MAGI1: variants seen among roughly 807,000 people sequenced by gnomAD.
MAGI1 encodes membrane-associated guanylate kinase, WW and PDZ domain-containing protein 1.
MAGI1 carries 58 observed loss-of-function variants against 139.9 expected under a neutral mutation model. That is an observed-to-expected ratio of 0.41 (90% CI 0.34 to 0.52). The LOEUF (loss-of-function observed/expected upper bound fraction) is 0.52, where lower values mean the gene tolerates loss of function less well. Ranked by LOEUF, MAGI1 falls within the 20% of genes least tolerant of loss-of-function variation. The pLI, the probability that MAGI1 is intolerant of heterozygous loss-of-function variation, is 0.12. For synonymous variants in MAGI1, 812 were observed against 737.9 expected (o/e 1.10, Z -1.63); for missense variants, 1,874 against 1,901.6 (o/e 0.99, Z 0.27).
At chr3:65,888,920 A>C (rs907015151) in intron 1 of MAGI1, among the ~76,000 whole-genome samples, 3 of 152,204 alleles carry the variant, frequency 2.0e-5, no homozygotes, top group African/African-American at 7.2e-5. Context: ...ATTTTCTATA[A>C]TATACAGATG....
chr3:65,515,595 C>G (rs943247195), intron 2 of MAGI1, among the ~76,000 whole-genome samples: 3 of 152,282 alleles, frequency 2.0e-5, no homozygotes, highest in South Asian at 4.1e-4. Flanking sequence ...ATGCTGTAGA[C>G]AATGTAGAAT....
At chr3:65,623,609 G>A (rs535481396) in intron 1 of MAGI1, among the ~76,000 whole-genome samples, 5 of 152,112 alleles carry the variant, frequency 3.3e-5, no homozygotes, top group South Asian at 2.1e-4. Context: ...CAGGAGTCAC[G>A]TGAGCTACAA....
At chr3:65,492,176 T>C (rs918505720) in intron 3 of MAGI1, among the ~76,000 whole-genome samples, 5 of 152,282 alleles carry the variant, frequency 3.3e-5, no homozygotes, top group African/African-American at 9.6e-5. Flanking sequence ...ACATAATAAC[T>C]TGACCAAGTT....
chr3:65,379,671 A>G, intron 16 of MAGI1, 117 bp from the exon 17 acceptor site: 1 of 1,486,042 alleles, frequency 6.7e-7, no homozygotes, highest in Non-Finnish European at 9.0e-7. Context: ...AGGGGAGGAG[A>G]CAGCACCTGG....
intron 5 of MAGI1, among the ~76,000 whole-genome samples, chr3:65,464,607 T>C (rs1319506442): frequency 6.6e-6 from 1 of 152,194 alleles, no homozygotes; most frequent in Non-Finnish European, 1.5e-5. Flanking sequence ...TCGATTAACA[T>C]TTACAAGATA....
At chr3:65,565,453 T>G (rs2080569640) in intron 2 of MAGI1, among the ~76,000 whole-genome samples, 1 of 152,192 alleles carries the variant, frequency 6.6e-6, no homozygotes, top group Non-Finnish European at 1.5e-5. Context: ...AGTGGTCATT[T>G]GTGTTCACGG....
chr3:65,609,264 C>A, intron 2 of MAGI1, among the ~76,000 whole-genome samples: 1 of 150,326 alleles, frequency 6.7e-6, no homozygotes, highest in South Asian at 2.1e-4. Flanking sequence ...TCATCTCTAT[C>A]TCTCTCTCTC....
chr3:65,867,159 T>C (rs1244057210), intron 1 of MAGI1, among the ~76,000 whole-genome samples: 1 of 152,174 alleles, frequency 6.6e-6, no homozygotes, highest in Non-Finnish European at 1.5e-5. Flanking sequence ...CTATCCAGAA[T>C]ACCTAGAAAG....
At chr3:65,470,959 G>A (rs1321530380) in intron 4 of MAGI1, among the ~76,000 whole-genome samples, 1 of 152,136 alleles carries the variant, frequency 6.6e-6, no homozygotes, top group Admixed American at 6.6e-5. Flanking sequence ...GATTTTATAA[G>A]TTATTTTTAT....
intron 1 of MAGI1, among the ~76,000 whole-genome samples, chr3:65,801,872 C>G (rs1477121200): frequency 6.6e-6 from 1 of 152,152 alleles, no homozygotes; most frequent in African/African-American, 2.4e-5. Context: ...AACCCAGCCA[C>G]ACAGCAGGAT....
At chr3:65,712,160 G>C (rs1351453677) in intron 1 of MAGI1, among the ~76,000 whole-genome samples, 2 of 151,934 alleles carry the variant, frequency 1.3e-5, no homozygotes, top group African/African-American at 4.8e-5. Context: ...CTTTAATTTG[G>C]GCTCTTAGAC....
At chr3:65,630,978 T>C (rs187231643) in intron 1 of MAGI1, among the ~76,000 whole-genome samples, 87 of 152,328 alleles carry the variant, frequency 5.7e-4, no homozygotes, top group African/African-American at 2.0e-3. Context: ...ATTTGAGCCA[T>C]GGAGGTAGAG....
chr3:65,985,457 A>C (rs2065833240), intron 1 of MAGI1, among the ~76,000 whole-genome samples: 1 of 152,192 alleles, frequency 6.6e-6, no homozygotes, highest in South Asian at 2.1e-4. Flanking sequence ...TGTACACACC[A>C]AGCAATTGAG....
chr3:65,469,174 G>A (rs1427467749), intron 5 of MAGI1, among the ~76,000 whole-genome samples: 1 of 152,060 alleles, frequency 6.6e-6, no homozygotes, highest in Non-Finnish European at 1.5e-5. Context: ...AATAGATGTA[G>A]GATATGTGTG....
At chr3:65,492,897 T>C (rs376292453) in intron 3 of MAGI1, among the ~76,000 whole-genome samples, 82 of 152,028 alleles carry the variant, frequency 5.4e-4, no homozygotes, top group African/African-American at 1.8e-3. Context: ...GCTAACACGG[T>C]GAAACCCTGT....
At position 65,429,676 on chromosome 3, in the gene MAGI1, T is replaced by A; in HGVS notation, c.2011A>T (p.Ile671Phe). 6.2e-7 allele frequency: 1 copy of A among 1,613,898 alleles called. No homozygotes were observed. Among genetic ancestry groups the A allele is most frequent in the Non-Finnish European group, 8.5e-7 (1 of 1,179,940 alleles). Residue 671 changes from isoleucine (I) to phenylalanine (F), a missense_variant, in exon 12 of 23, where the codon ATT (isoleucine) becomes TTT (phenylalanine). By Grantham distance (21) the Ile-to-Phe change is conservative (BLOSUM62 0). Coordinates refer to ENST00000402939, the MANE Select transcript of MAGI1 (RefSeq NM_001033057.2). The part of the protein sequence containing the change: ...PGGGGQRVKQ[I>F]VDSPRCRGLK... The stretch of plus-strand genomic sequence containing the variant: ...CCTCGGCACCTTGGGCTGTCAACAA[T>A]CTGTTTCACTCTTTGGCCACCCCCA...
rs181784330 is a variant in MAGI1, at chr3:65,768,935, T to G, written c.314-146847A>C. 5.3e-5 allele frequency among the ~76,000 whole-genome samples: 8 copies of G among 152,348 alleles called. No individual in the cohort carries two copies. In the East Asian group the frequency reaches 1.5e-3, roughly 29 times the overall value. On this transcript the variant is annotated intron_variant, in intron 1 of 22. Coordinates refer to ENST00000402939, the MANE Select transcript of MAGI1 (RefSeq NM_001033057.2). ...AGCAAATTTTCCAGTGTCATTTTAC[T>G]GTAGCCCACCAGGATTTTGACAAAG...
At chr3:65,889,980 A>T (rs1428863689) in intron 1 of MAGI1, among the ~76,000 whole-genome samples, 1 of 152,244 alleles carries the variant, frequency 6.6e-6, no homozygotes, top group Non-Finnish European at 1.5e-5. Context: ...TGTGCCTTTC[A>T]ACAGATTGTT....
chr3:65,933,081 T>C (rs973985202), intron 1 of MAGI1, among the ~76,000 whole-genome samples: 6 of 152,246 alleles, frequency 3.9e-5, no homozygotes, highest in Non-Finnish European at 1.5e-5. Context: ...TCAATAAGTA[T>C]TTTGTTTAAG....
Sources: allele counts gnomAD v4.1 joint callset (sites outside exome capture counted in the v4.1 genomes callset), GRCh38; gene constraint gnomAD v4.1.1; transcripts MANE v1.5; gene names NCBI Gene and HGNC (gene_info 2026-07-23, HGNC 2026-07-21).